Variants in MGMT observed in about 807,000 individuals in gnomAD.
MGMT encodes methylated-DNA--protein-cysteine methyltransferase.
In MGMT, 14 loss-of-function variants were observed where a neutral mutation model predicts 15.9. That is an observed-to-expected ratio of 0.88 (90% CI 0.58 to 1.37). MGMT has a LOEUF of 1.37. Among genes scored for constraint, MGMT ranks in the 40% most tolerant of loss-of-function variants. MGMT has a pLI of 0.00. For missense variants in MGMT, 282 were observed against 268.1 expected (o/e 1.05, Z -0.36); for synonymous variants, 130 against 118.2 (o/e 1.10, Z -0.65).
intron 2 of MGMT, among the ~76,000 whole-genome samples, chr10:129,544,238 A>G (rs955518137): frequency 6.6e-6 from 1 of 152,196 alleles, no homozygotes; most frequent in Non-Finnish European, 1.5e-5. Flanking sequence ...ATCTAGAATT[A>G]CATTGTATGC....
At position 129,506,742 on chromosome 10, in the gene MGMT, C is replaced by G. The variant is rs77899341; in HGVS notation, c.-12-29499C>G. Among the ~76,000 whole-genome samples the G allele has an allele frequency of 9.9e-4, 149 of 150,596 alleles. 1 individual carries two copies. In the East Asian group the frequency reaches 0.024, roughly 24 times the overall value. On this transcript the variant is annotated intron_variant, in intron 1 of 4. Transcript: ENST00000651593. The stretch of plus-strand genomic sequence containing the variant: ...TCCATACTTCACATTTTTCTTTTCT[C>G]TGCCTTTGTACACTCTGTTTATTCA...
At chr10:129,473,245 G>A (rs1240550129) in intron 1 of MGMT, among the ~76,000 whole-genome samples, 4 of 152,196 alleles carry the variant, frequency 2.6e-5, no homozygotes, top group African/African-American at 9.7e-5. Context: ...CAGGTCCGCT[G>A]GGTAAACTTG....
intron 2 of MGMT, among the ~76,000 whole-genome samples, chr10:129,593,604 CAG>C (rs1300472226): frequency 6.6e-6 from 1 of 152,232 alleles, no homozygotes; most frequent in Non-Finnish European, 1.5e-5. Context: ...TAGCAAATAA[CAG>C]AAATTTCAGT....
chr10:129,577,058 A>G (rs1846492077), intron 2 of MGMT, among the ~76,000 whole-genome samples: 1 of 152,190 alleles, frequency 6.6e-6, no homozygotes, highest in Non-Finnish European at 1.5e-5. Context: ...ATGGAAGAAC[A>G]TTCCATGCTC....
chr10:129,520,529 A>G (rs61862596), intron 1 of MGMT, among the ~76,000 whole-genome samples: 1,447 of 133,372 alleles, frequency 0.011, 12 homozygotes, highest in African/African-American at 0.021. Context: ...GAGCCTCTAC[A>G]GTGCATGTAC....
At chr10:129,707,801 G>T in intron 2 of MGMT, 94 bp from the exon 3 acceptor site, 2 of 1,527,850 alleles carry the variant, frequency 1.3e-6, no homozygotes, top group Non-Finnish European at 1.8e-6. Flanking sequence ...GCAGCCACAG[G>T]TGTTTGCCCG....
intron 3 of MGMT, among the ~76,000 whole-genome samples, chr10:129,740,611 C>T (rs572644836): frequency 9.2e-5 from 14 of 152,268 alleles, no homozygotes; most frequent in South Asian, 4.1e-4. Context: ...AACGGAGGGG[C>T]GACAGGACAG....
intron 3 of MGMT, among the ~76,000 whole-genome samples, chr10:129,736,959 G>T (rs1319651055): frequency 6.6e-6 from 1 of 152,198 alleles, no homozygotes; most frequent in East Asian, 1.9e-4. Flanking sequence ...CCCTTTGAGG[G>T]TAACCCGACC....
chr10:129,527,866 G>T (rs1017920299), intron 1 of MGMT, among the ~76,000 whole-genome samples: 23 of 152,128 alleles, frequency 1.5e-4, no homozygotes, highest in African/African-American at 5.5e-4. Context: ...ACCACCTTCT[G>T]CTCCTTAATG....
chr10:129,539,964 T>C (rs575357801), intron 2 of MGMT, among the ~76,000 whole-genome samples: 1 of 152,244 alleles, frequency 6.6e-6, no homozygotes, highest in East Asian at 1.9e-4. Flanking sequence ...CGACTGGGAG[T>C]TCATTGAACC....
At chr10:129,536,054 G>T (rs1845980037) in intron 1 of MGMT, among the ~76,000 whole-genome samples, 187 bp from the exon 2 acceptor site, 1 of 152,148 alleles carries the variant, frequency 6.6e-6, no homozygotes, top group Non-Finnish European at 1.5e-5. Flanking sequence ...GCTGCTCTAG[G>T]TAATGGTGGT....
intron 2 of MGMT, among the ~76,000 whole-genome samples, chr10:129,578,814 G>A (rs904002046): frequency 1.3e-5 from 2 of 152,204 alleles, no homozygotes; most frequent in African/African-American, 2.4e-5. Context: ...CCTCTCCCAA[G>A]TTGTAATAAT....
In MGMT at chr10:129,696,869, T is replaced by C. The variant is rs1046397065; in HGVS notation, c.126-11026T>C. On this transcript the variant is annotated intron_variant, in intron 2 of 4. Transcript: ENST00000651593. ...CCTCACCTGTGCATTCGTCAAGCCATTGAGTGCAGTGTTGTGGCCTGAATC... is the reference window on the plus strand; with the variant it reads ...CCTCACCTGTGCATTCGTCAAGCCACTGAGTGCAGTGTTGTGGCCTGAATC... Among the ~76,000 whole-genome samples the C allele has an allele frequency of 2.6e-5, 4 of 152,200 alleles. No homozygotes were observed. In the East Asian group the frequency reaches 7.7e-4, roughly 29 times the overall value.
chr10:129,681,471 G>C (rs1249249211), intron 2 of MGMT, among the ~76,000 whole-genome samples: 1 of 152,138 alleles, frequency 6.6e-6, no homozygotes, highest in East Asian at 1.9e-4. Flanking sequence ...AAACTTGTCA[G>C]AGCAGGAGAA....
intron 2 of MGMT, among the ~76,000 whole-genome samples, chr10:129,621,636 C>T (rs1050239685): frequency 2.0e-5 from 3 of 152,054 alleles, no homozygotes; most frequent in Non-Finnish European, 2.9e-5. Flanking sequence ...CAGGAAGGAG[C>T]GGAGGTGTTA....
At chr10:129,708,693 T>A (rs1259844819) in intron 3 of MGMT, among the ~76,000 whole-genome samples, 1 of 152,238 alleles carries the variant, frequency 6.6e-6, no homozygotes, top group Non-Finnish European at 1.5e-5. Flanking sequence ...TCCAGACACA[T>A]GCCAGAAATT....
At chr10:129,593,824 T>G (rs2133055960) in intron 2 of MGMT, among the ~76,000 whole-genome samples, 1 of 152,286 alleles carries the variant, frequency 6.6e-6, no homozygotes, top group African/African-American at 2.4e-5. Flanking sequence ...GGCCAGGCAG[T>G]GAGGCGAACA....
intron 2 of MGMT, among the ~76,000 whole-genome samples, chr10:129,636,702 T>A (rs1293846845): frequency 2.6e-5 from 4 of 152,216 alleles, no homozygotes; most frequent in Non-Finnish European, 5.9e-5. Context: ...GAATGAAAGA[T>A]CTTTTTGAAA....
At chr10:129,760,243 A>T (rs1848856667) in intron 4 of MGMT, among the ~76,000 whole-genome samples, 1 of 152,218 alleles carries the variant, frequency 6.6e-6, no homozygotes, top group Non-Finnish European at 1.5e-5. Flanking sequence ...CCAAGGCCAC[A>T]CGTGCCTGTG....
Sources: gnomAD v4.1 joint callset for allele counts (sites outside exome capture counted in the v4.1 genomes callset) on GRCh38, gnomAD v4.1.1 for gene constraint, MANE v1.5 for transcripts, NCBI Gene and HGNC (gene_info 2026-07-23, HGNC 2026-07-21) for gene names.